Variants in MBP observed in about 807,000 individuals in gnomAD.
The protein encoded by MBP is myelin basic protein, also known as Golli-MBP.
Under a neutral mutation model 35.8 loss-of-function variants are expected in MBP, and 16 were observed. That is an observed-to-expected ratio of 0.45 (90% CI 0.30 to 0.68). MBP has a LOEUF of 0.68. Among genes scored for constraint, MBP ranks in the 30% least tolerant of loss-of-function variants. The probability of loss-of-function intolerance (pLI) is 0.08; values close to 1 mark genes in which losing one functional copy is unlikely to be tolerated. For synonymous variants in MBP, 143 were observed against 159.6 expected, an observed-to-expected ratio of 0.90 and a Z score of 0.78; for missense variants, 380 against 404.7, an observed-to-expected ratio of 0.94 and a Z score of 0.52.
chr18:77,007,657 C>T (rs1366842419), intron 4 of MBP, among the ~76,000 whole-genome samples: 2 of 152,304 alleles, frequency 1.3e-5, no homozygotes, highest in Non-Finnish European at 2.9e-5. Flanking sequence ...AACACACACG[C>T]ACACACACCC....
At chr18:77,105,375 T>C in intron 1 of MBP, 89 bp from the exon 2 acceptor site, 2 of 792,552 alleles carry the variant, frequency 2.5e-6, no homozygotes, top group South Asian at 2.8e-5. Context: ...AATCCTGTGA[T>C]ATATGTAATG....
intron 4 of MBP, among the ~76,000 whole-genome samples, chr18:76,998,312 C>G (rs1266793621): frequency 7.4e-6 from 1 of 134,418 alleles, no homozygotes; most frequent in African/African-American, 2.9e-5. Flanking sequence ...CCAGGCGCCC[C>G]GTGCTGCGGC....
chr18:77,057,619 C>A (rs923999648), intron 3 of MBP, among the ~76,000 whole-genome samples: 2 of 152,164 alleles, frequency 1.3e-5, no homozygotes, highest in African/African-American at 2.4e-5. Flanking sequence ...AATTTTACAT[C>A]GGAAATGACA....
intron 1 of MBP, among the ~76,000 whole-genome samples, chr18:77,110,885 C>T (rs531823128): frequency 2.0e-5 from 3 of 152,302 alleles, no homozygotes; most frequent in African/African-American, 4.8e-5. Flanking sequence ...TAACTTGTGC[C>T]TCTGCTAGTA....
At chr18:77,014,888 T>C in intron 4 of MBP, 1 of 984,468 alleles carries the variant, frequency 1.0e-6, no homozygotes, top group Non-Finnish European at 1.2e-6. Flanking sequence ...GTGAAAAGAA[T>C]GGATACTTCA....
At chr18:76,981,367 C>G (rs1969190265) in intron 8 of MBP, 1 of 152,258 alleles carries the variant, frequency 6.6e-6, no homozygotes, top group Admixed American at 6.5e-5. Flanking sequence ...CGTGGCCGAT[C>G]AGCAACGAAC....
chr18:77,054,103 TCCCCG>T (rs1470384923), intron 3 of MBP, among the ~76,000 whole-genome samples: 1 of 152,072 alleles, frequency 6.6e-6, no homozygotes, highest in Admixed American at 6.6e-5. Context: ...TCCCGGTCCC[TCCCCG>T]CCCTGCCCTC....
Position 76,986,893 on chromosome 18 carries a change from A to C in MBP, c.750+1602T>G, listed in dbSNP as rs955391958. On this transcript the variant is annotated intron_variant, in intron 7 of 8. Transcript: ENST00000355994. ...CCTTAGTCATGTTTATCTTTGGGGA[A>C]CCTAGAATGTACCAGGAAACACACA... 13 of 985,426 alleles carry C rather than the reference A, an allele frequency of 1.3e-5. No individual in the cohort carries two copies. In the Admixed American group the frequency reaches 1.8e-4, roughly 14 times the overall value. 61.0% of individuals were successfully genotyped at this position (985,426 alleles called of 1,614,324 possible).
intron 4 of MBP, chr18:77,009,764 C>T (rs1971225965): frequency 2.4e-6 from 3 of 1,251,316 alleles, no homozygotes; most frequent in South Asian, 2.7e-5. Flanking sequence ...AGTGACACTA[C>T]CTGCCCCGAG....
At chr18:77,105,990 C>T (rs1806751273) in intron 1 of MBP, among the ~76,000 whole-genome samples, 1 of 152,230 alleles carries the variant, frequency 6.6e-6, no homozygotes, top group Non-Finnish European at 1.5e-5. Flanking sequence ...TCCTTCCAGC[C>T]TTCCTGCGGA....
chr18:77,076,306 C>T (rs570172225), intron 2 of MBP, among the ~76,000 whole-genome samples: 3 of 152,364 alleles, frequency 2.0e-5, no homozygotes, highest in South Asian at 4.1e-4. Context: ...CCACTTCCAC[C>T]GTGGCCTCTT....
intron 2 of MBP, among the ~76,000 whole-genome samples, chr18:77,088,352 G>A (rs1975352544): frequency 6.6e-6 from 1 of 152,164 alleles, no homozygotes; most frequent in Admixed American, 6.6e-5. Context: ...CCATGAAGGA[G>A]GGGCCTGTGG....
At chr18:77,092,465 G>C (rs560521232) in intron 2 of MBP, among the ~76,000 whole-genome samples, 343 of 152,322 alleles carry the variant, frequency 2.3e-3, no homozygotes, top group Non-Finnish European at 3.5e-3. Flanking sequence ...AGATGCAAAC[G>C]GACACACGCA....
chr18:77,029,097 C>A (rs1330631355), intron 3 of MBP, among the ~76,000 whole-genome samples: 1 of 99,860 alleles, frequency 1.0e-5, no homozygotes, highest in African/African-American at 2.8e-5. Context: ...CGAGATCTCG[C>A]CACTGCACCC....
At chr18:76,998,540 C>T (rs1970453537) in intron 4 of MBP, among the ~76,000 whole-genome samples, 2 of 152,186 alleles carry the variant, frequency 1.3e-5, no homozygotes, top group Non-Finnish European at 2.9e-5. Context: ...CCTCGGGTGA[C>T]TCGCAGAAGA....
intron 3 of MBP, chr18:77,065,632 G>A (rs1319683852): frequency 6.6e-6 from 1 of 152,204 alleles, no homozygotes; most frequent in East Asian, 1.9e-4. Flanking sequence ...TCCAGGCTTT[G>A]GTGCAATTTC....
chr18:77,027,376 C>T (rs112807236), intron 3 of MBP, among the ~76,000 whole-genome samples: 3 of 152,190 alleles, frequency 2.0e-5, no homozygotes, highest in Admixed American at 6.5e-5. Context: ...TGCCTGCACA[C>T]GCCTGCCCGC....
chr18:77,045,901 G>A (rs1973231554), intron 3 of MBP, among the ~76,000 whole-genome samples: 1 of 152,276 alleles, frequency 6.6e-6, no homozygotes, highest in East Asian at 1.9e-4. Context: ...GCACAGCCGC[G>A]AGGTGAGTAT....
intron 1 of MBP, among the ~76,000 whole-genome samples, chr18:77,124,638 T>C (rs937413645): frequency 6.6e-6 from 1 of 151,458 alleles, no homozygotes; most frequent in East Asian, 1.9e-4. Context: ...TCGGGGCCAG[T>C]GGGGGAGAGC....
Sources: gnomAD v4.1 joint callset for allele counts (sites outside exome capture counted in the v4.1 genomes callset) on GRCh38, gnomAD v4.1.1 for gene constraint, MANE v1.5 for transcripts, NCBI Gene and HGNC (gene_info 2026-07-23, HGNC 2026-07-21) for gene names.